The following DIP2B variants were observed in gnomAD, a reference collection of about 807,000 sequenced individuals.
DIP2B encodes the protein DIP2 acetate--CoA ligase B (putative).
DIP2B carries 76 observed loss-of-function variants against 198.0 expected under a neutral mutation model. The ratio of observed to expected loss-of-function variants is 0.38; its 90% CI spans 0.32 to 0.46. The LOEUF (loss-of-function observed/expected upper bound fraction) is 0.46. Among genes scored for constraint, DIP2B ranks in the 20% least tolerant of loss-of-function variants. DIP2B has a pLI of 0.99. For synonymous variants in DIP2B, 701 were observed against 739.1 expected (o/e 0.95, Z 0.84); for missense variants, 1,559 against 1,978.4 (o/e 0.79, Z 4.02).
rs1002014568 is a variant in DIP2B, at chr12:50,745,819, T to C, written c.*980T>C. Reference sequence around the variant, plus strand: ...CGATCTTTCAGATTTAGAGTGACTATGTAAGAATTTAGGATTTCCTCTTTT... The same window carrying C: ...CGATCTTTCAGATTTAGAGTGACTACGTAAGAATTTAGGATTTCCTCTTTT... On this transcript the variant is annotated 3_prime_UTR_variant, in exon 38 of 38. Transcript: ENST00000301180. 2.6e-5 allele frequency: 4 copies of C among 152,328 alleles called. No homozygotes were observed. The highest frequency in any genetic ancestry group is 5.9e-5 in the Non-Finnish European group (4 of 68,034). The allele number at this position is 152,328 out of a possible 1,614,324, so 9.4% of individuals were successfully genotyped here. A position where few individuals can be genotyped will look rare whatever the true frequency, so the allele number is the denominator to read the frequency against.
At chr12:50,718,844 C>CGAAG (rs780477793) in intron 24 of DIP2B, 26 bp downstream of exon 24, 2 of 1,612,434 alleles carry the variant, frequency 1.2e-6, no homozygotes, top group Non-Finnish European at 1.7e-6. Flanking sequence ...GTGTTACCTT[C>CGAAG]TTACAGTCAA....
At chr12:50,665,950 G>A (rs1424647870) in intron 4 of DIP2B, among the ~76,000 whole-genome samples, 1 of 152,144 alleles carries the variant, frequency 6.6e-6, no homozygotes, top group Non-Finnish European at 1.5e-5. Flanking sequence ...TTACCAGGTT[G>A]GGGAGTCTTT....
intron 1 of DIP2B, among the ~76,000 whole-genome samples, chr12:50,614,831 G>A (rs920997425): frequency 6.6e-6 from 1 of 152,162 alleles, no homozygotes; most frequent in African/African-American, 2.4e-5. Context: ...CTGCTTTTGC[G>A]ATCCCCATGC....
chr12:50,675,592 C>T, intron 7 of DIP2B, 144 bp downstream of exon 7: 1 of 787,318 alleles, frequency 1.3e-6, no homozygotes, highest in Non-Finnish European at 1.9e-6. Context: ...TCTTTTTTCC[C>T]TAATGATTAT....
At chr12:50,741,019 G>A (rs975385629) in intron 36 of DIP2B, among the ~76,000 whole-genome samples, 8 of 152,144 alleles carry the variant, frequency 5.3e-5, no homozygotes, top group South Asian at 4.1e-4. Context: ...ACATTACAAC[G>A]GAATGCCTCT....
intron 1 of DIP2B, 63 bp downstream of exon 1, chr12:50,505,303 G>A: frequency 7.6e-7 from 1 of 1,319,210 alleles, no homozygotes; most frequent in South Asian, 1.6e-5. Context: ...TTGGGAGACA[G>A]GTCCCCGCCG....
chr12:50,609,266 A>C (rs1392891508), intron 1 of DIP2B, among the ~76,000 whole-genome samples: 2 of 152,274 alleles, frequency 1.3e-5, no homozygotes, highest in African/African-American at 4.8e-5. Context: ...TGGTGGAGAC[A>C]CCAAGTAGCA....
rs1055316166 is a variant in DIP2B, at chr12:50,549,891, T to C, written c.100+44651T>C. On this transcript the variant is annotated intron_variant, in intron 1 of 37. Transcript: ENST00000301180. ...TTTTTTTCTTTTTTAGATAGAGATT[T>C]AAGTTCCTTATATAACTAAGGAAAA... 2.0e-5 allele frequency among the ~76,000 whole-genome samples: 3 copies of C among 152,272 alleles called. No homozygotes were observed. In the South Asian group the frequency reaches 6.2e-4, roughly 32 times the overall value.
At chr12:50,571,863 C>G (rs925663409) in intron 1 of DIP2B, among the ~76,000 whole-genome samples, 1 of 152,126 alleles carries the variant, frequency 6.6e-6, no homozygotes, top group African/African-American at 2.4e-5. Flanking sequence ...CAGCCTGAGA[C>G]CTAGGCATTT....
intron 1 of DIP2B, among the ~76,000 whole-genome samples, chr12:50,561,354 A>C (rs1467410254): frequency 6.6e-6 from 1 of 152,128 alleles, no homozygotes; most frequent in Non-Finnish European, 1.5e-5. Context: ...AATCTTTTGT[A>C]GATGTTTTCT....
Position 50,683,225 on chromosome 12 carries a change from A to G in DIP2B, c.1294A>G (p.Ile432Val), listed in dbSNP as rs780738932. The change falls in exon 10 of 38, where the codon ATA (isoleucine) becomes GTA (valine). Residue 432 changes from isoleucine (I) to valine (V), a missense_variant. Physicochemically the swap from Ile to Val is conservative, Grantham distance 29. Coordinates refer to ENST00000301180, the MANE Select transcript of DIP2B (RefSeq NM_173602.3). Reference sequence around the variant, plus strand: ...CCTGGCAGAAGTGATTCCAGTGCCTATAGAGGTACCTCTTACCAGAAAGGT... The same window carrying G: ...CCTGGCAGAAGTGATTCCAGTGCCTGTAGAGGTACCTCTTACCAGAAAGGT... ...CLLAEVIPVP[I>V]EVPLTRKDAG... is the part of the protein sequence containing the mutation. 1.9e-6 allele frequency: 3 copies of G among 1,611,988 alleles called. No individual in the cohort carries two copies. Among genetic ancestry groups the G allele is most frequent in the Non-Finnish European group, 2.5e-6 (3 of 1,179,376 alleles).
intron 7 of DIP2B, among the ~76,000 whole-genome samples, chr12:50,677,760 ATAAT>A (rs1938972743): frequency 6.6e-6 from 1 of 152,102 alleles, no homozygotes; most frequent in Non-Finnish European, 1.5e-5. Context: ...AAGCATGTTA[ATAAT>A]TAGTTCCCCA....
chr12:50,678,727 C>T lies in DIP2B; in HGVS notation c.965C>T (p.Thr322Ile), dbSNP rs1938989340. 5.0e-6 allele frequency: 8 copies of T among 1,614,092 alleles called. No homozygotes were observed. Among genetic ancestry groups the T allele is most frequent in the Admixed American group, 1.7e-5 (1 of 60,004 alleles). ...NQPKPEGRQM[T>I]PVKGEPLGVI... Reference sequence around the variant, plus strand: ...CCCAAGCCGGAGGGACGGCAGATGACCCCTGTGAAAGGAGAGCCTTTAGGA... The same window carrying T: ...CCCAAGCCGGAGGGACGGCAGATGATCCCTGTGAAAGGAGAGCCTTTAGGA... Residue 322 changes from threonine to isoleucine, a missense_variant, in exon 8 of 38, where the codon ACC becomes ATC. Coordinates refer to ENST00000301180, the MANE Select transcript of DIP2B (RefSeq NM_173602.3).
At chr12:50,584,295 G>A (rs1278214263) in intron 1 of DIP2B, among the ~76,000 whole-genome samples, 1 of 152,114 alleles carries the variant, frequency 6.6e-6, no homozygotes, top group Non-Finnish European at 1.5e-5. Flanking sequence ...ATGGACCCTA[G>A]TTTCTCATGC....
chr12:50,517,671 C>A (rs770452189), intron 1 of DIP2B, among the ~76,000 whole-genome samples: 1 of 152,156 alleles, frequency 6.6e-6, no homozygotes, highest in African/African-American at 2.4e-5. Flanking sequence ...ACCTGCCTGC[C>A]TTTTTACCCT....
chr12:50,585,010 A>G (rs898287178), intron 1 of DIP2B, among the ~76,000 whole-genome samples: 2 of 152,024 alleles, frequency 1.3e-5, no homozygotes, highest in Non-Finnish European at 2.9e-5. Flanking sequence ...TGCTGTGGCT[A>G]TACTTGTCCT....
intron 1 of DIP2B, among the ~76,000 whole-genome samples, chr12:50,509,148 C>T (rs889355449): frequency 8.5e-5 from 13 of 152,160 alleles, no homozygotes; most frequent in African/African-American, 3.1e-4. Flanking sequence ...AGCTCTGAGT[C>T]TGCCAGGGAA....
rs990895776 is a variant in DIP2B, at chr12:50,505,016, C to CGGCGGCGGT, written c.-123_-115dup. The CGGCGGCGGT allele has an allele frequency of 7.1e-6, 7 of 979,122 alleles. No homozygotes were observed. Among genetic ancestry groups the CGGCGGCGGT allele is most frequent in the Admixed American group, 4.9e-5 (2 of 40,918 alleles). The allele number at this position is 979,122 out of a possible 1,614,324, so 60.7% of individuals were successfully genotyped here. A position where few individuals can be genotyped will look rare whatever the true frequency, so the allele number is the denominator to read the frequency against. On this transcript the variant is annotated 5_prime_UTR_variant, in exon 1 of 38. Coordinates refer to ENST00000301180, the MANE Select transcript of DIP2B (RefSeq NM_173602.3). ...CCTTTGCTCATGGCGGCGGCGGCGG[C>CGGCGGCGGT]GGCGGCGGTGCTGGTGGTGCTCGGC...
At chr12:50,525,938 C>A (rs1958160433) in intron 1 of DIP2B, among the ~76,000 whole-genome samples, 1 of 152,174 alleles carries the variant, frequency 6.6e-6, no homozygotes, top group Admixed American at 6.5e-5. Flanking sequence ...CATCATTCTT[C>A]ATCTCACCAC....
Sources: gnomAD v4.1 joint callset for allele counts (sites outside exome capture counted in the v4.1 genomes callset) on GRCh38, gnomAD v4.1.1 for gene constraint, MANE v1.5 for transcripts, NCBI Gene and HGNC (gene_info 2026-07-23, HGNC 2026-07-21) for gene names.